Variants in SNX14 observed in about 807,000 individuals in gnomAD.
SNX14 encodes the protein sorting nexin 14, also known as sorting nexin-14.
Under a neutral mutation model 133.8 loss-of-function variants are expected in SNX14, and 93 were observed. That is an observed-to-expected ratio of 0.70 (90% CI 0.59 to 0.83). The LOEUF (loss-of-function observed/expected upper bound fraction) is 0.83, where lower values mean the gene tolerates loss of function less well. SNX14 is among the 40% of genes least tolerant of loss of function. The pLI is 0.00. For synonymous variants in SNX14, 368 were observed against 365.6 expected, an observed-to-expected ratio of 1.01 and a Z score of -0.07; for missense variants, 945 against 1,094.9, an observed-to-expected ratio of 0.86 and a Z score of 1.93.
intron 26 of SNX14, among the ~76,000 whole-genome samples, chr6:85,512,631 A>G (rs1239124708): frequency 6.6e-6 from 1 of 152,084 alleles, no homozygotes; most frequent in African/African-American, 2.4e-5. Flanking sequence ...CAAAAAAAAA[A>G]AAAAAAAAAT....
intron 28 of SNX14, 127 bp downstream of exon 28, chr6:85,507,106 G>T: frequency 2.5e-6 from 2 of 807,214 alleles, no homozygotes; most frequent in Non-Finnish European, 4.0e-6. Context: ...GCAATTTGCT[G>T]AGGTTAATTT....
At chr6:85,528,174 C>A in intron 20 of SNX14, 88 bp downstream of exon 20, 1 of 810,186 alleles carries the variant, frequency 1.2e-6, no homozygotes, top group Non-Finnish European at 1.9e-6. Context: ...TATTTATAAA[C>A]CAAAGAACAT....
chr6:85,583,293 C>T (rs1304011412), intron 1 of SNX14, among the ~76,000 whole-genome samples: 1 of 152,176 alleles, frequency 6.6e-6, no homozygotes, highest in Non-Finnish European at 1.5e-5. Flanking sequence ...AAACCCACAG[C>T]CATTATCATA....
At chr6:85,559,938 A>G (rs537913600) in intron 6 of SNX14, among the ~76,000 whole-genome samples, 15 of 152,340 alleles carry the variant, frequency 9.8e-5, no homozygotes, top group Admixed American at 2.0e-4. Flanking sequence ...GCCACCATGG[A>G]ATATCATGTC....
In SNX14 at chr6:85,574,285, T is replaced by C; in HGVS notation, c.234A>G (p.Ile78Met). ...TGGGTTTGTATTTTATTGTGAAGAATATATTTGGTAAGAGAGAATCAGGTC... is the reference window on the plus strand; with the variant it reads ...TGGGTTTGTATTTTATTGTGAAGAACATATTTGGTAAGAGAGAATCAGGTC... ...SLGPDSLLPN[I>M]FFTIKYKPKQ... Residue 78 changes from isoleucine to methionine, a missense_variant, in exon 2 of 29, where the codon ATA (isoleucine) becomes ATG (methionine). By Grantham distance (10) the Ile-to-Met change is conservative. Around this residue, in one of 3 missense-constraint regions of SNX14, gnomAD observed 514 missense variants for 538.8 expected, o/e 0.95. Coordinates refer to ENST00000314673, the MANE Select transcript of SNX14 (RefSeq NM_153816.6). 2 of 1,593,090 alleles carry C rather than the reference T, an allele frequency of 1.3e-6. No individual in the cohort carries two copies. Among genetic ancestry groups the C allele is most frequent in the South Asian group, 1.1e-5 (1 of 88,158 alleles).
rs1394540099 is a variant in SNX14 at position 85,505,835 on chromosome 6, A to C, written c.*132T>G. The C allele has an allele frequency of 3.1e-6, 2 of 654,206 alleles. No homozygotes were observed. The highest frequency in any genetic ancestry group is 5.3e-6 in the Non-Finnish European group (2 of 376,512). 40.5% of individuals were successfully genotyped at this position (654,206 alleles called of 1,614,324 possible). A position where few individuals can be genotyped will look rare whatever the true frequency, so the allele number is the denominator to read the frequency against. On this transcript the variant is annotated 3_prime_UTR_variant, in exon 29 of 29. Coordinates refer to ENST00000314673, the MANE Select transcript of SNX14 (RefSeq NM_153816.6). ...ATTAAGTTTGTGTTAGTCTTTATTA[A>C]AAACAAAAAATAACTAAAATTTCAG... is the stretch of plus-strand genomic sequence containing the variant.
intron 23 of SNX14, 127 bp from the exon 24 acceptor site, chr6:85,514,756 T>C (rs1181834390): frequency 7.6e-6 from 6 of 794,432 alleles, no homozygotes; most frequent in Admixed American, 3.1e-5. Context: ...GAATATTAGA[T>C]AGGTTAATAT....
chr6:85,548,169 G>T, intron 9 of SNX14, 132 bp downstream of exon 9: 1 of 640,398 alleles, frequency 1.6e-6, no homozygotes. Context: ...TCTGGAGATG[G>T]GGAATGGGGA....
intron 18 of SNX14, among the ~76,000 whole-genome samples, chr6:85,533,081 T>C (rs1264094722): frequency 1.3e-5 from 2 of 152,174 alleles, no homozygotes; most frequent in African/African-American, 4.8e-5. Context: ...GATATAGGGT[T>C]TCGCCATGTG....
intron 7 of SNX14, 113 bp downstream of exon 7, chr6:85,557,863 G>A (rs557905220): frequency 7.0e-5 from 46 of 660,870 alleles, no homozygotes; most frequent in South Asian, 5.5e-4. Context: ...GAATACTCTC[G>A]CATCAACTGT....
intron 23 of SNX14, among the ~76,000 whole-genome samples, chr6:85,517,131 A>C (rs1431372371): frequency 6.6e-6 from 1 of 152,232 alleles, no homozygotes; most frequent in East Asian, 1.9e-4. Context: ...TGTTAAGTCT[A>C]GCAAGACGAC....
intron 18 of SNX14, 124 bp from the exon 19 acceptor site, chr6:85,530,399 C>G (rs1305096892): frequency 1.9e-6 from 1 of 531,782 alleles, no homozygotes; most frequent in African/African-American, 2.0e-5. Flanking sequence ...AATCCCAGCA[C>G]TTTGGGAGGC....
Position 85,543,284 on chromosome 6 carries a change from A to T in SNX14, c.1287T>A (p.Asp429Glu). 1 of 1,590,490 alleles carries T rather than the reference A, an allele frequency of 6.3e-7. No individual in the cohort carries two copies. The change falls in exon 14 of 29, where the codon GAT becomes GAA. Residue 429 changes from aspartate to glutamate, a missense_variant. Physicochemically the swap from Asp to Glu is conservative, Grantham distance 45 (BLOSUM62 2). Transcript: ENST00000314673. The part of the protein sequence containing the change: ...IQRIAEGPYI[D>E]VVKLQTMRCL... ...ATCTCATAGTTTGAAGTTTCACAAC[A>T]TCTATGTATGGGCCTTCAGCAACTA...
In SNX14 at chr6:85,505,970, C is replaced by T. The variant is rs1421246798; in HGVS notation, c.2838G>A (p.Met946Ile). The T allele has an allele frequency of 1.2e-6, 2 of 1,600,900 alleles. No homozygotes were observed. Among genetic ancestry groups the T allele is most frequent in the South Asian group, 1.1e-5 (1 of 90,774 alleles). The part of the protein sequence containing the change: ...QKEVTSVTSW[M>I] ...ATTCTATACCAAATCCAAGTGTTTA[C>T]ATCCAAGATGTCACAGAGGTAACTT... Residue 946 changes from methionine to isoleucine, a missense_variant, in exon 29 of 29, where the codon ATG becomes ATA. Coordinates refer to ENST00000314673, the MANE Select transcript of SNX14 (RefSeq NM_153816.6).
chr6:85,510,352 T>C (rs1772366205), intron 26 of SNX14, among the ~76,000 whole-genome samples: 1 of 152,238 alleles, frequency 6.6e-6, no homozygotes, highest in South Asian at 2.1e-4. Flanking sequence ...TATCTCATTG[T>C]TTTAAATGTG....
In SNX14 at chr6:85,547,386, T is replaced by A; in HGVS notation, c.924A>T (p.Ala308=). Residue 308 remains alanine, a synonymous_variant, in exon 11 of 29, where the codon GCA becomes GCT. Coordinates refer to ENST00000314673, the MANE Select transcript of SNX14 (RefSeq NM_153816.6). The stretch of plus-strand genomic sequence containing the variant: ...GAACCAAAGGAGAAGCCGGTTCAGT[T>A]GCTTTTTCAGGCTTTGAAAGAAAGA... The part of the protein sequence containing the change: ...IFIDDSPPEK[A]TEPASPLVPF... 1 of 1,613,458 alleles carries A rather than the reference T, an allele frequency of 6.2e-7. No homozygotes were observed. The highest frequency in any genetic ancestry group is 8.5e-7 in the Non-Finnish European group (1 of 1,179,906).
chr6:85,543,198 A>G lies in SNX14; in HGVS notation c.1373T>C (p.Phe458Ser). Residue 458 changes from phenylalanine (F) to serine (S), a missense_variant, in exon 14 of 29, where the codon TTC (phenylalanine) becomes TCC (serine). Around this residue, in one of 3 missense-constraint regions of SNX14, gnomAD observed 514 missense variants for 538.8 expected, o/e 0.95. Transcript: ENST00000314673. ...TTGACTTACCTCATCACTATGGCAG[A>G]ACATAGGAGTAAATACATTCTCCAA... ...SLLENVFTPMFCHSDEYFRQL... is the reference protein window; with the variant it reads ...SLLENVFTPMSCHSDEYFRQL... 6.4e-7 allele frequency: 1 copy of G among 1,563,050 alleles called. No individual in the cohort carries two copies. Among genetic ancestry groups the G allele is most frequent in the Non-Finnish European group, 8.6e-7 (1 of 1,159,972 alleles).
chr6:85,538,664 G>T (rs1255071458), intron 16 of SNX14, among the ~76,000 whole-genome samples, 174 bp downstream of exon 16: 1 of 152,120 alleles, frequency 6.6e-6, no homozygotes, highest in Non-Finnish European at 1.5e-5. Flanking sequence ...CAAAAAGGAG[G>T]TATGTAGAAT....
rs759124331 is a variant in SNX14, at chr6:85,530,176, A to C, written c.1894+16T>G. On this transcript the variant is annotated intron_variant, in intron 19 of 28. Transcript: ENST00000314673. Reference sequence around the variant, plus strand: ...AATGCTGAAATGTAATGTTTTATCCAAAAAGAATAACATACCATGAAATTC... The same window carrying C: ...AATGCTGAAATGTAATGTTTTATCCCAAAAGAATAACATACCATGAAATTC... 1.3e-6 allele frequency: 2 copies of C among 1,488,740 alleles called. No homozygotes were observed. The highest frequency in any genetic ancestry group is 1.9e-6 in the Non-Finnish European group (2 of 1,076,622). 92.2% of individuals were successfully genotyped at this position (1,488,740 alleles called of 1,614,324 possible).
Sources: allele counts gnomAD v4.1 joint callset (sites outside exome capture counted in the v4.1 genomes callset), GRCh38; gene constraint gnomAD v4.1.1; regional missense constraint gnomAD v4.1.1; transcripts MANE v1.5; gene names NCBI Gene and HGNC (gene_info 2026-07-23, HGNC 2026-07-21).